SRPK2: variants seen among roughly 807,000 people sequenced by gnomAD.
The protein encoded by SRPK2 is SRSF protein kinase 2.
Under a neutral mutation model 90.8 loss-of-function variants are expected in SRPK2, and 21 were observed. The ratio of observed to expected loss-of-function variants is 0.23; its 90% confidence interval spans 0.16 to 0.33. SRPK2 has a LOEUF of 0.33. SRPK2 is among the 10% of genes least tolerant of loss of function. The probability of loss-of-function intolerance (pLI) is 1.00; values close to 1 mark genes in which losing one functional copy is unlikely to be tolerated. For missense variants in SRPK2, 620 were observed against 869.0 expected (o/e 0.71, Z 3.60); for synonymous variants, 288 against 311.1 (o/e 0.93, Z 0.78).
At chr7:105,380,912 A>T (rs1820868883) in intron 2 of SRPK2, among the ~76,000 whole-genome samples, 1 of 148,756 alleles carries the variant, frequency 6.7e-6, no homozygotes, top group African/African-American at 2.5e-5. Flanking sequence ...TTCTGTACTG[A>T]ATTTTTTACC....
At chr7:105,316,762 C>T (rs1812353613) in intron 2 of SRPK2, among the ~76,000 whole-genome samples, 1 of 152,226 alleles carries the variant, frequency 6.6e-6, no homozygotes, top group Non-Finnish European at 1.5e-5. Context: ...GGATCAGTTA[C>T]ATCCATGTGG....
chr7:105,270,473 T>A (rs368088721), intron 2 of SRPK2, among the ~76,000 whole-genome samples: 1 of 149,520 alleles, frequency 6.7e-6, no homozygotes, highest in East Asian at 2.0e-4. Context: ...AATGGCACAA[T>A]CTCGGCTCAC....
chr7:105,209,102 T>C (rs1035873871), intron 2 of SRPK2, among the ~76,000 whole-genome samples: 2 of 152,274 alleles, frequency 1.3e-5, no homozygotes, highest in Admixed American at 1.3e-4. Flanking sequence ...TCAATATGCA[T>C]AGTCTCTTTT....
intron 2 of SRPK2, among the ~76,000 whole-genome samples, chr7:105,307,106 A>G (rs17721991): frequency 0.19 from 28,413 of 152,138 alleles, 3,442 homozygotes; most frequent in East Asian, 0.64. Flanking sequence ...ACATACAAGA[A>G]CTAATGAACT....
intron 2 of SRPK2, among the ~76,000 whole-genome samples, chr7:105,232,242 C>T (rs894743353): frequency 2.0e-5 from 3 of 151,858 alleles, no homozygotes; most frequent in Non-Finnish European, 4.4e-5. Flanking sequence ...GGACAGATCA[C>T]CTGAAGTCAG....
intron 2 of SRPK2, among the ~76,000 whole-genome samples, chr7:105,227,995 A>C (rs1251883455): frequency 6.6e-6 from 1 of 152,052 alleles, no homozygotes; most frequent in Non-Finnish European, 1.5e-5. Flanking sequence ...CCTACTATTT[A>C]GAAAAGGAAG....
intron 10 of SRPK2, 102 bp from the exon 11 acceptor site, chr7:105,142,592 A>G (rs1803955281): frequency 1.4e-6 from 2 of 1,451,452 alleles, no homozygotes; most frequent in Non-Finnish European, 1.8e-6. Flanking sequence ...GAATATGCTT[A>G]TGTACCACCT....
chr7:105,380,440 T>A (rs1820807899), intron 2 of SRPK2, among the ~76,000 whole-genome samples: 1 of 152,092 alleles, frequency 6.6e-6, no homozygotes, highest in Non-Finnish European at 1.5e-5. Context: ...AGGACTCAAT[T>A]TTTGAAAAAT....
chr7:105,124,639 C>CAAAAAAAAAAAAA (rs1408558143), intron 15 of SRPK2, among the ~76,000 whole-genome samples: 2 of 8,262 alleles, frequency 2.4e-4, no homozygotes, highest in Non-Finnish European at 6.7e-4. Flanking sequence ...AAAACTCCAT[C>CAAAAAAAAAAAAA]TAAAAAAAAA....
At chr7:105,210,359 T>C (rs1206533862) in intron 2 of SRPK2, among the ~76,000 whole-genome samples, 2 of 152,200 alleles carry the variant, frequency 1.3e-5, no homozygotes, top group Non-Finnish European at 2.9e-5. Flanking sequence ...CCTATATCTA[T>C]AACTTTTCTC....
At chr7:105,365,487 CAAAAAAA>C (rs374198950) in intron 2 of SRPK2, among the ~76,000 whole-genome samples, 6 of 69,712 alleles carry the variant, frequency 8.6e-5, no homozygotes, top group Non-Finnish European at 8.3e-5. Context: ...AATTCTGTCT[CAAAAAAA>C]AAAAAAAAAA....
chr7:105,394,646 G>A (rs917685673), intron 1 of SRPK2, among the ~76,000 whole-genome samples: 3 of 152,080 alleles, frequency 2.0e-5, no homozygotes, highest in Admixed American at 1.3e-4. Context: ...GAGATACATC[G>A]CCAATCTGTT....
intron 2 of SRPK2, among the ~76,000 whole-genome samples, chr7:105,223,076 T>C (rs145126028): frequency 1.3e-5 from 2 of 152,234 alleles, no homozygotes; most frequent in Non-Finnish European, 2.9e-5. Flanking sequence ...AGCTGACCAC[T>C]GAGCGCATAC....
intron 2 of SRPK2, among the ~76,000 whole-genome samples, chr7:105,378,037 T>C (rs1820512941): frequency 6.6e-6 from 1 of 152,050 alleles, no homozygotes; most frequent in Non-Finnish European, 1.5e-5. Context: ...TCCCCAGTCC[T>C]TCGTTTGACT....
chr7:105,148,853 C>T (rs926719140), intron 7 of SRPK2, among the ~76,000 whole-genome samples: 2 of 152,158 alleles, frequency 1.3e-5, no homozygotes, highest in Non-Finnish European at 2.9e-5. Context: ...TTAAGGGATC[C>T]AGGGCTCTGC....
At chr7:105,341,354 T>C (rs1278633010) in intron 2 of SRPK2, among the ~76,000 whole-genome samples, 1 of 48,154 alleles carries the variant, frequency 2.1e-5, no homozygotes, top group African/African-American at 1.9e-4. Flanking sequence ...CGAGACTCCG[T>C]CTCAAAAAAA....
chr7:105,321,997 G>T (rs1438059762), intron 2 of SRPK2, among the ~76,000 whole-genome samples: 3 of 152,178 alleles, frequency 2.0e-5, no homozygotes, highest in Admixed American at 2.0e-4. Flanking sequence ...GTACACCCAT[G>T]ATCACAGCAG....
intron 2 of SRPK2, among the ~76,000 whole-genome samples, chr7:105,369,138 T>TTATTATTAC (rs1819424476): frequency 2.0e-5 from 1 of 51,236 alleles, no homozygotes; most frequent in African/African-American, 4.4e-5. Context: ...ATTATTATTA[T>TTATTATTAC]TATTATTATT....
At chr7:105,390,614 T>G (rs1316639200), upstream of SRPK2, among the ~76,000 whole-genome samples, 469 of 146,632 alleles carry the variant, frequency 3.2e-3, 2 homozygotes, top group African/African-American at 6.8e-3. Context: ...TTTGTTTTTT[T>G]TTTTTTTTTT....
Sources: allele counts gnomAD v4.1 joint callset (sites outside exome capture counted in the v4.1 genomes callset), GRCh38; gene constraint gnomAD v4.1.1; transcripts MANE v1.5; gene names NCBI Gene and HGNC (gene_info 2026-07-23, HGNC 2026-07-21).